Variants in STARD13 observed in about 807,000 individuals in gnomAD.
The protein encoded by STARD13 is stAR-related lipid transfer protein 13.
A neutral mutation model predicts 106.4 loss-of-function variants in STARD13; 62 were observed. The ratio of observed to expected loss-of-function variants is 0.58; its 90% CI spans 0.48 to 0.72. STARD13 has a LOEUF of 0.72. Ranked by LOEUF, STARD13 falls within the 30% of genes least tolerant of loss-of-function variation. The probability of loss-of-function intolerance (pLI) is 0.00; values close to 1 mark genes in which losing one functional copy is unlikely to be tolerated. For missense variants in STARD13, 1,387 were observed against 1,424.0 expected, an observed-to-expected ratio of 0.97 and a Z score of 0.42; for synonymous variants, 565 against 553.0, an observed-to-expected ratio of 1.02 and a Z score of -0.31.
At chr13:33,381,476 A>T in the STARD13 span, among the ~76,000 whole-genome samples, 1 of 152,306 alleles carries the variant, frequency 6.6e-6, no homozygotes, top group East Asian at 1.9e-4. Context: ...ACGGTAGCTC[A>T]TGCCTGTAAT....
intron 5 of STARD13, 143 bp from the exon 6 acceptor site, chr13:33,127,689 A>T (rs910041683): frequency 1.3e-6 from 1 of 745,500 alleles, no homozygotes; most frequent in East Asian, 3.2e-5. Flanking sequence ...AGAAGACACA[A>T]GTGTGCAGAA....
intron 1 of STARD13, among the ~76,000 whole-genome samples, chr13:33,343,170 G>T (rs2077979488): frequency 6.6e-6 from 1 of 151,890 alleles, no homozygotes; most frequent in Non-Finnish European, 1.5e-5. Context: ...ATGCAAATCT[G>T]CCAGTTATCC....
chr13:33,121,223 T>C (rs534540959), intron 7 of STARD13, among the ~76,000 whole-genome samples: 27 of 152,192 alleles, frequency 1.8e-4, no homozygotes, highest in Non-Finnish European at 3.8e-4. Context: ...TCGATCCTCA[T>C]AGAAAAACAC....
At chr13:33,239,362 T>A (rs570196669) in intron 1 of STARD13, among the ~76,000 whole-genome samples, 66 of 152,332 alleles carry the variant, frequency 4.3e-4, no homozygotes, top group Non-Finnish European at 8.5e-4. Flanking sequence ...CTCTTTGAGC[T>A]CTTGGCTTTA....
At chr13:33,291,588 A>C (rs1392013769) in intron 1 of STARD13, among the ~76,000 whole-genome samples, 1 of 152,162 alleles carries the variant, frequency 6.6e-6, no homozygotes, top group Non-Finnish European at 1.5e-5. Context: ...TCATAAATTT[A>C]ACATGGGATG....
At chr13:33,350,592 C>A in exon 1 of STARD13, 1 of 1,384,922 alleles carries the variant, frequency 7.2e-7, no homozygotes, top group South Asian at 1.6e-5. Context: ...GCGCGAGGAC[C>A]GGGATGCCTG....
At chr13:33,313,241 G>GA (rs61606437) in intron 1 of STARD13, among the ~76,000 whole-genome samples, 3,623 of 152,152 alleles carry the variant, frequency 0.024, 152 homozygotes, top group African/African-American at 0.081. Context: ...TATTTGGAAT[G>GA]AAAAAAATGT....
chr13:33,159,021 T>G (rs1019159541), intron 3 of STARD13, among the ~76,000 whole-genome samples: 27 of 152,296 alleles, frequency 1.8e-4, no homozygotes, highest in Non-Finnish European at 2.4e-4. Context: ...GTAATATTTT[T>G]GGAGACATAG....
chr13:33,402,013 T>G, the STARD13 span, among the ~76,000 whole-genome samples: 7 of 152,356 alleles, frequency 4.6e-5, no homozygotes, highest in South Asian at 1.0e-3. Context: ...AATAAAAGCA[T>G]TAAACTGTAG....
chr13:33,242,824 T>C (rs1271484938), intron 1 of STARD13, among the ~76,000 whole-genome samples: 1 of 152,228 alleles, frequency 6.6e-6, no homozygotes, highest in Non-Finnish European at 1.5e-5. Flanking sequence ...TCAAAACACC[T>C]TTTCTTTACT....
the STARD13 span, among the ~76,000 whole-genome samples, chr13:33,511,846 A>C: frequency 2.0e-5 from 3 of 152,154 alleles, no homozygotes; most frequent in African/African-American, 7.2e-5. Flanking sequence ...AAAAATAACT[A>C]ATTACCTAGC....
chr13:33,517,489 G>A, the STARD13 span, among the ~76,000 whole-genome samples: 3 of 152,194 alleles, frequency 2.0e-5, no homozygotes, highest in Non-Finnish European at 4.4e-5. Flanking sequence ...AATGTTCACA[G>A]ATGTTCCTAC....
chr13:33,354,586 A>G (rs1359200927), upstream of STARD13, among the ~76,000 whole-genome samples: 1 of 152,216 alleles, frequency 6.6e-6, no homozygotes, highest in Non-Finnish European at 1.5e-5. Flanking sequence ...TACCTTTTTC[A>G]GTGAACAGCA....
At chr13:33,305,779 T>C (rs950237096) in intron 1 of STARD13, among the ~76,000 whole-genome samples, 4 of 152,196 alleles carry the variant, frequency 2.6e-5, no homozygotes, top group Non-Finnish European at 5.9e-5. Context: ...GAGATATGTG[T>C]TAAGATCATA....
the STARD13 span, among the ~76,000 whole-genome samples, chr13:33,619,201 C>A: frequency 1.8e-4 from 27 of 152,236 alleles, no homozygotes; most frequent in African/African-American, 5.1e-4. Context: ...GAACTAAAGA[C>A]AAAACTGTAC....
At chr13:33,452,337 C>T in the STARD13 span, among the ~76,000 whole-genome samples, 1 of 150,586 alleles carries the variant, frequency 6.6e-6, no homozygotes, top group Non-Finnish European at 1.5e-5. Context: ...GAGCTGGGGG[C>T]AGTTGTGGGG....
the STARD13 span, among the ~76,000 whole-genome samples, chr13:33,360,004 G>C: frequency 6.6e-6 from 1 of 152,136 alleles, no homozygotes; most frequent in African/African-American, 2.4e-5. Context: ...CAAAATAACT[G>C]GTCTCTGATT....
chr13:33,623,902 C>A, the STARD13 span, among the ~76,000 whole-genome samples: 1 of 152,060 alleles, frequency 6.6e-6, no homozygotes, highest in Non-Finnish European at 1.5e-5. Context: ...TTAAAGACAC[C>A]AAGATAGCCT....
chr13:33,636,665 C>T, the STARD13 span, among the ~76,000 whole-genome samples: 24 of 152,294 alleles, frequency 1.6e-4, no homozygotes, highest in Admixed American at 1.3e-3. Flanking sequence ...GATAATTGCA[C>T]TTGCTATTTT....
Sources: gnomAD v4.1 joint callset for allele counts (sites outside exome capture counted in the v4.1 genomes callset) on GRCh38, gnomAD v4.1.1 for gene constraint, MANE v1.5 for transcripts, NCBI Gene and HGNC (gene_info 2026-07-23, HGNC 2026-07-21) for gene names.